Variants in HIVEP1 observed in about 807,000 individuals in gnomAD.
The protein encoded by HIVEP1 is zinc finger protein 40.
Under a neutral mutation model 180.0 loss-of-function variants are expected in HIVEP1, and 36 were observed. The ratio of observed to expected loss-of-function variants is 0.20; its 90% CI spans 0.15 to 0.26. The LOEUF (loss-of-function observed/expected upper bound fraction) is 0.26. Among genes scored for constraint, HIVEP1 ranks in the 10% least tolerant of loss-of-function variants. The pLI, the probability that HIVEP1 is intolerant of heterozygous loss-of-function variation, is 1.00. For missense variants in HIVEP1, 3,143 were observed against 3,268.7 expected (o/e 0.96, Z 0.94); for synonymous variants, 1,239 against 1,239.0 (o/e 1.00, Z 0.00).
chr6:12,112,889 G>T (rs1484309049), intron 3 of HIVEP1, among the ~76,000 whole-genome samples: 1 of 152,114 alleles, frequency 6.6e-6, no homozygotes, highest in Non-Finnish European at 1.5e-5. Context: ...CCTCCCCTGG[G>T]GTAGAGGGTG....
chr6:12,154,220 T>G (rs986390638), intron 7 of HIVEP1, among the ~76,000 whole-genome samples: 3 of 152,220 alleles, frequency 2.0e-5, no homozygotes, highest in African/African-American at 7.2e-5. Flanking sequence ...AGAAACCTGG[T>G]TCGCACCTAC....
chr6:12,090,487 G>A (rs140918186), intron 3 of HIVEP1, among the ~76,000 whole-genome samples: 140 of 152,118 alleles, frequency 9.2e-4, no homozygotes, highest in Non-Finnish European at 1.3e-3. Flanking sequence ...CATTTATGGG[G>A]TACTATGTAG....
Position 12,107,992 on chromosome 6 carries a change from A to G in HIVEP1, c.95-11898A>G, listed in dbSNP as rs191392696. Among the ~76,000 whole-genome samples the G allele has an allele frequency of 8.5e-3, 1,294 of 152,322 alleles. 2 individuals are homozygous for G. Among genetic ancestry groups the G allele is most frequent in the Non-Finnish European group, 0.011 (767 of 68,028 alleles). The stretch of plus-strand genomic sequence containing the variant: ...TCGAAGGCCCCACCAGAGTAGCTAG[A>G]TACAGAGTGTCAATTGGTGCATTCA... On this transcript the variant is annotated intron_variant, in intron 3 of 8. Coordinates refer to ENST00000379388, the MANE Select transcript of HIVEP1 (RefSeq NM_002114.4).
At chr6:12,011,269 G>GCCCCCCC (rs1767266720), upstream of HIVEP1, among the ~76,000 whole-genome samples, 1 of 75,684 alleles carries the variant, frequency 1.3e-5, no homozygotes. Flanking sequence ...CCCCCTTGGG[G>GCCCCCCC]TCCCCCCCCC....
chr6:12,208,074 G>A, the HIVEP1 span, among the ~76,000 whole-genome samples: 1 of 152,026 alleles, frequency 6.6e-6, no homozygotes, highest in Non-Finnish European at 1.5e-5. Context: ...TTCTTAAAAA[G>A]CAATTTATTA....
At chr6:12,175,316 ATTAT>A in the HIVEP1 span, among the ~76,000 whole-genome samples, 3 of 152,170 alleles carry the variant, frequency 2.0e-5, no homozygotes, top group Non-Finnish European at 4.4e-5. Context: ...TAATTGTCAA[ATTAT>A]TTATTTTCTG....
upstream of HIVEP1, among the ~76,000 whole-genome samples, chr6:12,009,853 A>G (rs1466209713): frequency 6.6e-6 from 1 of 152,268 alleles, no homozygotes; most frequent in Non-Finnish European, 1.5e-5. Flanking sequence ...AAATTTACCT[A>G]TCGTAATTCG....
the HIVEP1 span, among the ~76,000 whole-genome samples, chr6:12,199,760 A>C: frequency 2.6e-5 from 4 of 152,254 alleles, no homozygotes; most frequent in African/African-American, 4.8e-5. Context: ...TATGTTGTAC[A>C]AGTGGAAAAC....
intron 2 of HIVEP1, among the ~76,000 whole-genome samples, chr6:12,069,870 C>T (rs991734665): frequency 1.3e-4 from 19 of 151,934 alleles, no homozygotes; most frequent in African/African-American, 4.6e-4. Flanking sequence ...TATAGCTGTA[C>T]AAAAATATTT....
Position 12,120,410 on chromosome 6 carries a change from A to G in HIVEP1, c.615A>G (p.Pro205=). Residue 205 remains proline, a synonymous_variant, in exon 4 of 9, where the codon CCA becomes CCG. Transcript: ENST00000379388. Reference sequence around the variant, plus strand: ...ATGTCTTACTGAAAGCAATGGAGCCAGAACTGAGCACCTTGTCACAAAAGG... The same window carrying G: ...ATGTCTTACTGAAAGCAATGGAGCCGGAACTGAGCACCTTGTCACAAAAGG... The part of the protein sequence containing the change: ...AFDVLLKAME[P]ELSTLSQKGS... 1.9e-6 allele frequency: 3 copies of G among 1,614,254 alleles called. No individual in the cohort carries two copies. The highest frequency in any genetic ancestry group is 8.5e-7 in the Non-Finnish European group (1 of 1,180,048).
At chr6:12,148,649 C>T (rs1365893661) in intron 7 of HIVEP1, among the ~76,000 whole-genome samples, 2 of 152,126 alleles carry the variant, frequency 1.3e-5, no homozygotes, top group Non-Finnish European at 2.9e-5. Context: ...GAAACCACAC[C>T]GGGATTTCAT....
chr6:12,158,092 T>C (rs9380859), intron 7 of HIVEP1, among the ~76,000 whole-genome samples: 40,830 of 152,128 alleles, frequency 0.27, 6,307 homozygotes, highest in Non-Finnish European at 0.35. Flanking sequence ...ATAGGTGTCA[T>C]ATCTGACTGT....
chr6:12,104,281 CCTT>C lies in HIVEP1; in HGVS notation c.94+15048_94+15050del, dbSNP rs1774276396. 1.3e-5 allele frequency among the ~76,000 whole-genome samples: 2 copies of C among 151,906 alleles called. 1 individual carries two copies. The highest frequency in any genetic ancestry group is 1.3e-4 in the Admixed American group (2 of 15,230). ...CTCTGCCTCATTGTGTATCTTTCCA[CCTT>C]CTTTGTTTTGTTACTTTCTGGATAT... On this transcript the variant is annotated intron_variant, in intron 3 of 8. Coordinates refer to ENST00000379388, the MANE Select transcript of HIVEP1 (RefSeq NM_002114.4).
At chr6:12,055,111 A>G (rs116016604) in intron 2 of HIVEP1, among the ~76,000 whole-genome samples, 8 of 152,256 alleles carry the variant, frequency 5.3e-5, no homozygotes, top group African/African-American at 1.9e-4. Context: ...TGCAATAAAC[A>G]TTACGAACCT....
chr6:12,163,601 G>A lies in HIVEP1; in HGVS notation c.7297G>A (p.Val2433Ile), dbSNP rs1439029448. 6.2e-7 allele frequency: 1 copy of A among 1,614,172 alleles called. No homozygotes were observed. The change falls in exon 9 of 9, where the codon GTC (valine) becomes ATC (isoleucine). Residue 2433 changes from valine to isoleucine, a missense_variant. Physicochemically the swap from Val to Ile is conservative, Grantham distance 29 (BLOSUM62 3). This residue lies in a region of HIVEP1 where 595 missense variants were observed against 602.2 expected (regional missense o/e 0.99). Coordinates refer to ENST00000379388, the MANE Select transcript of HIVEP1 (RefSeq NM_002114.4). ...PVQLTIPAVS[V>I]VHRTLGTHRN... ...GCAGCTCACGATCCCTGCTGTCAGTGTCGTTCACAGAACTTTGGGTACTCA... is the reference window on the plus strand; with the variant it reads ...GCAGCTCACGATCCCTGCTGTCAGTATCGTTCACAGAACTTTGGGTACTCA...
chr6:12,105,216 A>T (rs1024535095), intron 3 of HIVEP1, among the ~76,000 whole-genome samples: 3 of 152,192 alleles, frequency 2.0e-5, no homozygotes, highest in African/African-American at 7.2e-5. Context: ...CTTGATCTTT[A>T]TGCAATTTTC....
intron 7 of HIVEP1, among the ~76,000 whole-genome samples, chr6:12,160,892 A>T (rs1760356046): frequency 6.6e-6 from 1 of 152,170 alleles, no homozygotes; most frequent in African/African-American, 2.4e-5. Context: ...TAGTAATTTG[A>T]AAGGGCCCAC....
At chr6:12,193,191 T>C in the HIVEP1 span, among the ~76,000 whole-genome samples, 1 of 152,238 alleles carries the variant, frequency 6.6e-6, no homozygotes, top group Non-Finnish European at 1.5e-5. Context: ...AGTTTTTCAT[T>C]ATTATAATTT....
chr6:12,154,985 C>T (rs1298097846), intron 7 of HIVEP1, among the ~76,000 whole-genome samples: 3 of 151,852 alleles, frequency 2.0e-5, no homozygotes, highest in African/African-American at 7.3e-5. Context: ...GTCATCATTT[C>T]TGTTCTTATT....
Sources: allele counts gnomAD v4.1 joint callset (sites outside exome capture counted in the v4.1 genomes callset), GRCh38; gene constraint gnomAD v4.1.1; regional missense constraint gnomAD v4.1.1; transcripts MANE v1.5; gene names NCBI Gene and HGNC (gene_info 2026-07-23, HGNC 2026-07-21).